Variants in NDUFA5 observed in about 807,000 individuals in gnomAD.
NDUFA5 encodes NADH dehydrogenase [ubiquinone] 1 alpha subcomplex subunit 5.
A neutral mutation model predicts 19.8 loss-of-function variants in NDUFA5; 11 were observed. The ratio of observed to expected loss-of-function variants is 0.56; its 90% CI spans 0.35 to 0.92. The LOEUF is 0.92. NDUFA5 is among the 40% of genes least tolerant of loss of function. The pLI, the probability that NDUFA5 is intolerant of heterozygous loss-of-function variation, is 0.01. For synonymous variants in NDUFA5, 47 were observed against 46.8 expected (o/e 1.00, Z -0.01); for missense variants, 109 against 134.2 (o/e 0.81, Z 0.93).
the NDUFA5 span, among the ~76,000 whole-genome samples, chr7:123,592,947 G>C: frequency 6.6e-6 from 1 of 151,864 alleles, no homozygotes; most frequent in Admixed American, 6.6e-5. Flanking sequence ...TATGAATCTC[G>C]GTGCTCCTGT....
the NDUFA5 span, among the ~76,000 whole-genome samples, chr7:123,578,149 G>A: frequency 1.3e-5 from 2 of 149,470 alleles, no homozygotes; most frequent in African/African-American, 5.0e-5. Flanking sequence ...CAAATGAATA[G>A]TAAAATAAAT....
intron 4 of NDUFA5, 38 bp from the exon 5 acceptor site, chr7:123,542,258 A>G: frequency 1.4e-6 from 2 of 1,442,466 alleles, no homozygotes; most frequent in Non-Finnish European, 1.9e-6. Flanking sequence ...ATTGGATTTT[A>G]CTCTTCAACA....
chr7:123,587,025 T>C, the NDUFA5 span, among the ~76,000 whole-genome samples: 1 of 151,722 alleles, frequency 6.6e-6, no homozygotes, highest in Non-Finnish European at 1.5e-5. Flanking sequence ...GCTTTGGTCT[T>C]TCTCAAGATT....
the NDUFA5 span, among the ~76,000 whole-genome samples, chr7:123,582,886 G>A: frequency 6.6e-6 from 1 of 151,914 alleles, no homozygotes. Context: ...TATTCAAAGA[G>A]GAATATACCT....
the NDUFA5 span, among the ~76,000 whole-genome samples, chr7:123,588,205 C>A: frequency 6.6e-6 from 1 of 151,600 alleles, no homozygotes; most frequent in African/African-American, 2.4e-5. Flanking sequence ...ATTTAATTTC[C>A]TTTCTCATTT....
upstream of NDUFA5, chr7:123,557,894 G>A: frequency 6.2e-7 from 1 of 1,601,370 alleles, no homozygotes; most frequent in East Asian, 2.2e-5. Flanking sequence ...CCTGGAAACA[G>A]CTTAGCTCCA....
chr7:123,550,727 G>A lies in NDUFA5; in HGVS notation c.67-141C>T. ...TTTTTTTTTAATTTAACTCTTCTTT[G>A]CTCTGACTTCTTTATGTCTGTGCCC... On this transcript the variant is annotated intron_variant, in intron 2 of 4. Coordinates refer to ENST00000355749, the MANE Select transcript of NDUFA5 (RefSeq NM_005000.5). 5 of 548,596 alleles carry A rather than the reference G, an allele frequency of 9.1e-6. No individual in the cohort carries two copies. In the South Asian group the frequency reaches 1.1e-4, roughly 12 times the overall value. The allele number at this position is 548,596 out of a possible 1,614,324, so 34.0% of individuals were successfully genotyped here. A position where few individuals can be genotyped will look rare whatever the true frequency, so the allele number is the denominator to read the frequency against.
At chr7:123,543,851 T>C (rs928279673) in intron 4 of NDUFA5, among the ~76,000 whole-genome samples, 6 of 152,122 alleles carry the variant, frequency 3.9e-5, no homozygotes, top group African/African-American at 1.2e-4. Context: ...ACCTGACGAA[T>C]ATAAAGGCCA....
At chr7:123,545,002 T>G (rs1275901740) in intron 4 of NDUFA5, among the ~76,000 whole-genome samples, 1 of 151,846 alleles carries the variant, frequency 6.6e-6, no homozygotes, top group Non-Finnish European at 1.5e-5. Flanking sequence ...AGAAGAAAAT[T>G]TCCCAATAGA....
rs954883945 is a variant in NDUFA5, at chr7:123,540,243, C to A, written c.*1876G>T. 3.3e-5 allele frequency: 5 copies of A among 152,144 alleles called. No individual in the cohort carries two copies. Among genetic ancestry groups the A allele is most frequent in the African/African-American group, 1.2e-4 (5 of 41,412 alleles). 9.4% of individuals were successfully genotyped at this position (152,144 alleles called of 1,614,324 possible). A position where few individuals can be genotyped will look rare whatever the true frequency, so the allele number is the denominator to read the frequency against. ...CCTGACATTCATATTAAAGTCTCAA[C>A]AAACATTAGCTATTATTGTTATAAT... On this transcript the variant is annotated 3_prime_UTR_variant, in exon 5 of 5. Transcript: ENST00000355749.
chr7:123,578,957 A>G, the NDUFA5 span, among the ~76,000 whole-genome samples: 5 of 151,972 alleles, frequency 3.3e-5, no homozygotes, highest in African/African-American at 1.2e-4. Flanking sequence ...GGTTTGTTAC[A>G]TGGATATTGT....
chr7:123,593,386 G>T, the NDUFA5 span, among the ~76,000 whole-genome samples: 1 of 151,682 alleles, frequency 6.6e-6, no homozygotes, highest in Non-Finnish European at 1.5e-5. Flanking sequence ...TTATAATTTG[G>T]CATGTTTTTG....
chr7:123,572,550 T>C, the NDUFA5 span, among the ~76,000 whole-genome samples: 33 of 152,248 alleles, frequency 2.2e-4, no homozygotes, highest in Admixed American at 2.0e-3. Flanking sequence ...ATCGTAAAGA[T>C]TGATGTATCT....
At chr7:123,579,918 T>C in the NDUFA5 span, among the ~76,000 whole-genome samples, 34,990 of 152,056 alleles carry the variant, frequency 0.23, 4,162 homozygotes, top group East Asian at 0.4. Context: ...AATTCTCATT[T>C]ATTGAATGGC....
chr7:123,577,900 T>C, the NDUFA5 span, among the ~76,000 whole-genome samples: 1 of 152,008 alleles, frequency 6.6e-6, no homozygotes, highest in Admixed American at 6.6e-5. Flanking sequence ...AATTACTTTT[T>C]TAAAAATTAT....
the NDUFA5 span, among the ~76,000 whole-genome samples, chr7:123,570,878 GA>G: frequency 6.6e-6 from 1 of 152,058 alleles, no homozygotes; most frequent in African/African-American, 2.4e-5. Context: ...CACTAAAACT[GA>G]AAAGAACTCT....
In NDUFA5 at chr7:123,540,907, C is replaced by A. The variant is rs1295854873; in HGVS notation, c.*1212G>T. ...ATGCGCGTGCACACACACACACACA[C>A]ACACACACACACACACACACACACA... On this transcript the variant is annotated 3_prime_UTR_variant, in exon 5 of 5. Coordinates refer to ENST00000355749, the MANE Select transcript of NDUFA5 (RefSeq NM_005000.5). 6.7e-6 allele frequency: 1 copy of A among 150,332 alleles called. No homozygotes were observed. Among genetic ancestry groups the A allele is most frequent in the Non-Finnish European group, 1.5e-5 (1 of 68,568 alleles). The allele number at this position is 150,332 out of a possible 1,614,324, so 9.3% of individuals were successfully genotyped here. A position where few individuals can be genotyped will look rare whatever the true frequency, so the allele number is the denominator to read the frequency against.
the NDUFA5 span, among the ~76,000 whole-genome samples, chr7:123,598,496 G>C: frequency 1.3e-5 from 2 of 151,656 alleles, no homozygotes; most frequent in Non-Finnish European, 2.9e-5. Flanking sequence ...TACTTTGTTC[G>C]CAAAAGGAAA....
upstream of NDUFA5, among the ~76,000 whole-genome samples, chr7:123,562,382 C>G (rs142869236): frequency 1.4e-4 from 22 of 152,244 alleles, no homozygotes; most frequent in Non-Finnish European, 2.6e-4. Context: ...GTTGACTTGT[C>G]CTCTCTAGCT....
Sources: gnomAD v4.1 joint callset for allele counts (sites outside exome capture counted in the v4.1 genomes callset) on GRCh38, gnomAD v4.1.1 for gene constraint, MANE v1.5 for transcripts, NCBI Gene and HGNC (gene_info 2026-07-23, HGNC 2026-07-21) for gene names.